The following UTRN variants were observed in gnomAD, a reference collection of about 807,000 sequenced individuals.
UTRN encodes the protein dystrophin-related protein 1.
UTRN carries 283 observed loss-of-function variants against 463.9 expected under a neutral mutation model. The ratio of observed to expected loss-of-function variants is 0.61; its 90% CI spans 0.55 to 0.67. The LOEUF (loss-of-function observed/expected upper bound fraction) is 0.67. Among genes scored for constraint, UTRN ranks in the 30% least tolerant of loss-of-function variants. UTRN has a pLI of 0.00. For missense variants in UTRN, 3,922 were observed against 4,084.3 expected, an observed-to-expected ratio of 0.96 and a Z score of 1.08; for synonymous variants, 1,442 against 1,431.5, an observed-to-expected ratio of 1.01 and a Z score of -0.17.
At chr6:144,839,138 C>A in intron 71 of UTRN, 35 bp from the exon 72 acceptor site, 4 of 1,523,558 alleles carry the variant, frequency 2.6e-6, no homozygotes, top group Middle Eastern at 1.7e-4. Flanking sequence ...TTATTTGAAT[C>A]CTTTCTCTGC....
chr6:144,343,411 A>ACACACACACACAC (rs1562270899), intron 2 of UTRN, among the ~76,000 whole-genome samples: 2 of 126,216 alleles, frequency 1.6e-5, no homozygotes, highest in African/African-American at 7.1e-5. Context: ...CACACACACA[A>ACACACACACACAC]TAGCCGGGCA....
chr6:144,836,400 G>GTCT lies in UTRN; in HGVS notation c.9925_9927dup (p.Ser3309dup). 1 of 1,393,544 alleles carries GTCT rather than the reference G, an allele frequency of 7.2e-7. No homozygotes were observed. Among genetic ancestry groups the GTCT allele is most frequent in the East Asian group, 3.0e-5 (1 of 33,574 alleles). The allele number at this position is 1,393,544 out of a possible 1,614,324, so 86.3% of individuals were successfully genotyped here. A position where few individuals can be genotyped will look rare whatever the true frequency, so the allele number is the denominator to read the frequency against. ...AGTCGATTATATCTCCCCATCACACGTCTGAGGATTCAGAACTTATAGCAG... is the reference window on the plus strand; with the variant it reads ...AGTCGATTATATCTCCCCATCACACGTCTTCTGAGGATTCAGAACTTATAGCAG... On this transcript the variant is annotated inframe_insertion, in exon 71 of 75. Coordinates refer to ENST00000367545, the MANE Select transcript of UTRN (RefSeq NM_007124.3).
Position 144,446,548 on chromosome 6 carries a change from G to T in UTRN, c.1615-663G>T, listed in dbSNP as rs575967692. On this transcript the variant is annotated intron_variant, in intron 14 of 74. Transcript: ENST00000367545. ...AAATTATCACAATGTAGCTACGGTT[G>T]TTTTCCATCCCTTCTTCAGGATTAT... Among the ~76,000 whole-genome samples, 3 of 152,334 alleles carry T rather than the reference G, an allele frequency of 2.0e-5. No homozygotes were observed. In the East Asian group the frequency reaches 5.8e-4, roughly 29 times the overall value.
At chr6:144,735,899 G>A (rs891898678) in intron 54 of UTRN, among the ~76,000 whole-genome samples, 1 of 151,376 alleles carries the variant, frequency 6.6e-6, no homozygotes, top group Non-Finnish European at 1.5e-5. Context: ...CTAATAAAAT[G>A]TCTAGAAAGA....
chr6:144,344,117 AT>A, intron 2 of UTRN: 2 of 1,182,380 alleles, frequency 1.7e-6, no homozygotes, highest in South Asian at 1.5e-5. Context: ...AAAACCCAAA[AT>A]AACACAGGAC....
At chr6:144,481,357 T>G (rs1042506717) in intron 26 of UTRN, among the ~76,000 whole-genome samples, 2 of 152,344 alleles carry the variant, frequency 1.3e-5, no homozygotes, top group East Asian at 1.9e-4. Flanking sequence ...AATGTCAGAT[T>G]GTTTATCTTA....
At chr6:144,689,890 G>A (rs1283279134) in intron 52 of UTRN, among the ~76,000 whole-genome samples, 2 of 151,844 alleles carry the variant, frequency 1.3e-5, no homozygotes, top group African/African-American at 4.8e-5. Flanking sequence ...CTGGTGTGGT[G>A]TTATTCTCCT....
intron 53 of UTRN, among the ~76,000 whole-genome samples, chr6:144,706,362 ATAAGAG>A (rs1403716971): frequency 6.6e-6 from 1 of 152,074 alleles, no homozygotes; most frequent in Non-Finnish European, 1.5e-5. Flanking sequence ...ACCCTAAGAA[ATAAGAG>A]TCCAGTCCTC....
intron 51 of UTRN, among the ~76,000 whole-genome samples, chr6:144,677,594 A>G (rs951178207): frequency 1.2e-4 from 18 of 152,150 alleles, no homozygotes; most frequent in African/African-American, 3.9e-4. Flanking sequence ...ATTTGTCTGT[A>G]TGGTAGAATG....
intron 39 of UTRN, among the ~76,000 whole-genome samples, chr6:144,519,710 G>A (rs901710416): frequency 3.3e-5 from 5 of 152,122 alleles, no homozygotes; most frequent in African/African-American, 1.2e-4. Flanking sequence ...AGAGTGGGAA[G>A]GCTCAGAAAA....
chr6:144,807,345 A>G (rs954381572), intron 65 of UTRN, among the ~76,000 whole-genome samples: 1 of 152,140 alleles, frequency 6.6e-6, no homozygotes, highest in Non-Finnish European at 1.5e-5. Context: ...CTAATGGTAT[A>G]TGAATGAACT....
intron 57 of UTRN, among the ~76,000 whole-genome samples, chr6:144,756,756 A>T (rs1236921848): frequency 6.6e-6 from 1 of 152,106 alleles, no homozygotes; most frequent in Non-Finnish European, 1.5e-5. Flanking sequence ...CTTGCCTTTT[A>T]TAAAGAGAGG....
In UTRN at chr6:144,758,008, TC is replaced by T; in HGVS notation, c.8495+21del. On this transcript the variant is annotated intron_variant, in intron 58 of 74. Transcript: ENST00000367545. ...ACATCAAGTAAGTTGATTTTAATTC[TC>T]CTTTATGATACCAAGAAAATCATGT... 6.3e-7 allele frequency: 1 copy of T among 1,590,352 alleles called. No homozygotes were observed. The highest frequency in any genetic ancestry group is 8.6e-7 in the Non-Finnish European group (1 of 1,164,476).
At chr6:144,825,712 C>G (rs959153149) in intron 66 of UTRN, among the ~76,000 whole-genome samples, 2 of 152,056 alleles carry the variant, frequency 1.3e-5, no homozygotes, top group Non-Finnish European at 2.9e-5. Context: ...TTTTGCTACA[C>G]TTGAATTTTG....
intron 65 of UTRN, among the ~76,000 whole-genome samples, chr6:144,803,836 G>A (rs1777911888): frequency 6.6e-6 from 1 of 151,998 alleles, no homozygotes; most frequent in Non-Finnish European, 1.5e-5. Flanking sequence ...ATAGAATAAA[G>A]CACTATAAGT....
intron 42 of UTRN, among the ~76,000 whole-genome samples, chr6:144,532,758 CA>C (rs1447400789): frequency 1.3e-5 from 2 of 152,142 alleles, no homozygotes; most frequent in African/African-American, 4.8e-5. Context: ...AGAAGATGAG[CA>C]ATTCATTTTC....
chr6:144,328,577 G>A (rs1370339615), intron 2 of UTRN, among the ~76,000 whole-genome samples: 1 of 86,532 alleles, frequency 1.2e-5, no homozygotes, highest in Non-Finnish European at 3.1e-5. Flanking sequence ...TATTAATTTT[G>A]TTTATTTTGC....
chr6:144,684,814 T>C (rs1379433926), intron 52 of UTRN, among the ~76,000 whole-genome samples: 3 of 152,220 alleles, frequency 2.0e-5, no homozygotes, highest in Non-Finnish European at 2.9e-5. Flanking sequence ...TCTACTGTTA[T>C]TTAACTTTAC....
chr6:144,491,240 G>C, intron 32 of UTRN, 138 bp downstream of exon 32: 1 of 811,768 alleles, frequency 1.2e-6, no homozygotes, highest in Admixed American at 3.1e-5. Context: ...GATGGAAAAC[G>C]TGTTAAAAAA....
Sources: gnomAD v4.1 joint callset for allele counts (sites outside exome capture counted in the v4.1 genomes callset) on GRCh38, gnomAD v4.1.1 for gene constraint, MANE v1.5 for transcripts, NCBI Gene and HGNC (gene_info 2026-07-23, HGNC 2026-07-21) for gene names.